The following PPP2R2B variants were observed in gnomAD, a reference collection of about 807,000 sequenced individuals.
PPP2R2B encodes serine/threonine-protein phosphatase 2A 55 kDa regulatory subunit B beta isoform.
In PPP2R2B, 5 loss-of-function variants were observed where a neutral mutation model predicts 46.0. That is an observed-to-expected ratio of 0.11 (90% confidence interval 0.06 to 0.23). PPP2R2B has a LOEUF of 0.23. PPP2R2B is among the 10% of genes least tolerant of loss of function. The pLI is 1.00. For missense variants in PPP2R2B, 367 were observed against 575.0 expected, an observed-to-expected ratio of 0.64 and a Z score of 3.70; for synonymous variants, 215 against 206.7, an observed-to-expected ratio of 1.04 and a Z score of -0.34.
intron 2 of PPP2R2B, among the ~76,000 whole-genome samples, chr5:146,716,797 A>G (rs1054752969): frequency 3.9e-5 from 6 of 152,172 alleles, no homozygotes; most frequent in African/African-American, 1.4e-4. Flanking sequence ...AACTTCACTA[A>G]CTTAGCTGGC....
intron 1 of PPP2R2B, among the ~76,000 whole-genome samples, chr5:146,926,123 G>A (rs1226927402): frequency 1.3e-5 from 2 of 151,806 alleles, no homozygotes; most frequent in Admixed American, 1.3e-4. Context: ...TTTTGTCCAC[G>A]AATATTTGGT....
intron 6 of PPP2R2B, among the ~76,000 whole-genome samples, chr5:146,649,604 C>G (rs1775817826): frequency 6.6e-6 from 1 of 152,018 alleles, no homozygotes; most frequent in Non-Finnish European, 1.5e-5. Flanking sequence ...GCCACCATGC[C>G]TGGCTAATTT....
At position 146,960,867 on chromosome 5, in the gene PPP2R2B, C is replaced by G. The variant is rs544101582; in HGVS notation, c.79+94798G>C. On this transcript the variant is annotated intron_variant, in intron 1 of 8. Transcript: ENST00000336640. ...GTTGTGGAAGGTACACCTCACAGCT[C>G]CTCCCTGATGCTTTAATTTATATGA... Among the ~76,000 whole-genome samples, 12 of 152,214 alleles carry G rather than the reference C, an allele frequency of 7.9e-5. No homozygotes were observed. In the East Asian group the frequency reaches 1.7e-3, roughly 22 times the overall value.
rs546930459 is a variant in PPP2R2B, at chr5:146,976,129, A to G, written c.79+79536T>C. 1.0e-3 allele frequency among the ~76,000 whole-genome samples: 152 copies of G among 147,254 alleles called. 3 individuals are homozygous for G. The highest frequency in any genetic ancestry group is 1.9e-3 in the Non-Finnish European group (125 of 66,994). ...AAAATTTATTATTATTATTATTATT[A>G]TTATTATTATTATTATTATTATTTC... On this transcript the variant is annotated intron_variant, in intron 1 of 8. Coordinates refer to the PPP2R2B transcript ENST00000336640.
intron 1 of PPP2R2B, among the ~76,000 whole-genome samples, chr5:146,984,193 A>G (rs1424623716): frequency 2.0e-5 from 3 of 152,138 alleles, no homozygotes; most frequent in African/African-American, 7.2e-5. Flanking sequence ...ACCACCACCC[A>G]ACTTATTTCT....
chr5:146,807,553 A>T (rs1441556580), intron 2 of PPP2R2B, among the ~76,000 whole-genome samples: 1 of 152,172 alleles, frequency 6.6e-6, no homozygotes, highest in Non-Finnish European at 1.5e-5. Flanking sequence ...ACTTTCATAT[A>T]GACCTCATTT....
intron 9 of PPP2R2B, chr5:146,592,207 G>A: frequency 2.4e-6 from 1 of 409,428 alleles, no homozygotes; most frequent in Non-Finnish European, 4.8e-6. Context: ...CTAAGGAGGG[G>A]ATTCATTTTG....
chr5:146,807,189 A>G (rs543051675), intron 2 of PPP2R2B, among the ~76,000 whole-genome samples: 1 of 152,336 alleles, frequency 6.6e-6, no homozygotes, highest in African/African-American at 2.4e-5. Context: ...CTGGTCTTCA[A>G]GATCTCTTCC....
chr5:146,606,731 G>A (rs1033806307), intron 7 of PPP2R2B, among the ~76,000 whole-genome samples: 4 of 152,090 alleles, frequency 2.6e-5, no homozygotes, highest in Non-Finnish European at 4.4e-5. Context: ...TCTGGGCTGC[G>A]ACACAGACAC....
intron 8 of PPP2R2B, among the ~76,000 whole-genome samples, chr5:146,594,177 G>T (rs888318968): frequency 6.6e-6 from 1 of 152,212 alleles, no homozygotes; most frequent in Non-Finnish European, 1.5e-5. Context: ...GAAAGGTGCT[G>T]TCCTGGAGTA....
intron 2 of PPP2R2B, among the ~76,000 whole-genome samples, chr5:146,716,194 T>A (rs567379013): frequency 1.1e-4 from 16 of 152,194 alleles, no homozygotes; most frequent in African/African-American, 3.9e-4. Flanking sequence ...CACAAATCCT[T>A]CAAGGCCAGC....
intron 2 of PPP2R2B, among the ~76,000 whole-genome samples, chr5:147,077,758 C>G (rs1267962340): frequency 6.6e-6 from 1 of 152,124 alleles, no homozygotes; most frequent in East Asian, 1.9e-4. Context: ...TGCCTGTATT[C>G]ACTATTTTAA....
At chr5:146,667,628 G>A (rs182697) in intron 5 of PPP2R2B, among the ~76,000 whole-genome samples, 109,677 of 151,794 alleles carry the variant, frequency 0.72, 42,273 homozygotes, top group Non-Finnish European at 0.86. Flanking sequence ...ACAGATCATC[G>A]AGACTGAAAT....
chr5:147,014,798 T>C (rs550611984), intron 1 of PPP2R2B, among the ~76,000 whole-genome samples: 6 of 152,044 alleles, frequency 3.9e-5, no homozygotes, highest in Admixed American at 2.0e-4. Flanking sequence ...GACGAGTTAG[T>C]GGGTGCAGTG....
rs997290785 is a variant in PPP2R2B, at chr5:146,739,200, G to T, written c.71-38058C>A. 3.3e-5 allele frequency among the ~76,000 whole-genome samples: 5 copies of T among 152,202 alleles called. No homozygotes were observed. The South Asian group carries it at 1.0e-3, about 32-fold the overall frequency. ...CTGCACCCAAATAGTTTTTATTTAT[G>T]TAAAGACAGGGTCTCAACTATGTTG... On this transcript the variant is annotated intron_variant, in intron 2 of 9. Coordinates refer to ENST00000394411, the MANE Select transcript of PPP2R2B (RefSeq NM_181675.4).
chr5:146,629,243 G>T (rs979473256), intron 7 of PPP2R2B, among the ~76,000 whole-genome samples: 2 of 152,198 alleles, frequency 1.3e-5, no homozygotes, highest in Non-Finnish European at 2.9e-5. Flanking sequence ...AAAAGAGAAT[G>T]CTTGGTCTTT....
chr5:147,038,707 T>A (rs1027687164), intron 1 of PPP2R2B, among the ~76,000 whole-genome samples: 5 of 152,204 alleles, frequency 3.3e-5, no homozygotes, highest in African/African-American at 1.2e-4. Context: ...ATGATTTCTG[T>A]GCAATAGGAT....
chr5:146,800,664 G>C (rs957119325), intron 2 of PPP2R2B, among the ~76,000 whole-genome samples: 3 of 151,864 alleles, frequency 2.0e-5, no homozygotes, highest in African/African-American at 7.3e-5. Flanking sequence ...CACATAAAAA[G>C]TCATAAGCCC....
At chr5:147,035,494 T>G (rs571660763) in intron 1 of PPP2R2B, among the ~76,000 whole-genome samples, 1 of 152,186 alleles carries the variant, frequency 6.6e-6, no homozygotes, top group East Asian at 1.9e-4. Context: ...TGAATTCCTT[T>G]GTCTTCTGTT....
Sources: allele counts gnomAD v4.1 joint callset (sites outside exome capture counted in the v4.1 genomes callset), GRCh38; gene constraint gnomAD v4.1.1; transcripts MANE v1.5; gene names NCBI Gene and HGNC (gene_info 2026-07-23, HGNC 2026-07-21).